SMIM36: variants seen among roughly 807,000 people sequenced by gnomAD.
SMIM36 encodes small integral membrane protein 36.
the SMIM36 span, among the ~76,000 whole-genome samples, chr17:55,524,549 C>T: frequency 7.7e-4 from 117 of 152,194 alleles, no homozygotes; most frequent in African/African-American, 2.6e-3. Context: ...AGTGTATAGG[C>T]GTTTTCTTTT....
chr17:55,531,296 T>G, the SMIM36 span, among the ~76,000 whole-genome samples: 3 of 152,202 alleles, frequency 2.0e-5, no homozygotes, highest in Non-Finnish European at 2.9e-5. Context: ...CCTTTTGGCT[T>G]GGTGAACCCT....
intron 4 of SMIM36, among the ~76,000 whole-genome samples, chr17:55,456,628 T>G (rs2058458824): frequency 6.6e-6 from 1 of 152,216 alleles, no homozygotes; most frequent in South Asian, 2.1e-4. Context: ...ACAATGTGAT[T>G]GTTAAACAGT....
At chr17:55,462,211 TA>T (rs76371371) in intron 4 of SMIM36, among the ~76,000 whole-genome samples, 12,098 of 152,220 alleles carry the variant, frequency 0.079, 525 homozygotes, top group South Asian at 0.14. Context: ...AGTATTAAGT[TA>T]ATTAATACTT....
At chr17:55,518,336 C>T in the SMIM36 span, among the ~76,000 whole-genome samples, 2 of 152,196 alleles carry the variant, frequency 1.3e-5, no homozygotes, top group Admixed American at 1.3e-4. Context: ...GGCCAAATTG[C>T]CTCTTAAAGT....
intron 4 of SMIM36, among the ~76,000 whole-genome samples, chr17:55,456,189 C>T (rs1909020175): frequency 7.1e-6 from 1 of 141,712 alleles, no homozygotes; most frequent in African/African-American, 2.6e-5. Context: ...CTCATCAGGT[C>T]TTTTCTTGTT....
At chr17:55,461,904 C>T (rs898951599) in intron 4 of SMIM36, among the ~76,000 whole-genome samples, 1 of 152,292 alleles carries the variant, frequency 6.6e-6, no homozygotes, top group African/African-American at 2.4e-5. Flanking sequence ...GCAGAGAATT[C>T]TTACGGAAGA....
chr17:55,521,816 A>G, the SMIM36 span, among the ~76,000 whole-genome samples: 1 of 150,320 alleles, frequency 6.7e-6, no homozygotes, highest in Non-Finnish European at 1.5e-5. Flanking sequence ...TTTAAAATAT[A>G]TTGGGAATGC....
intron 3 of SMIM36, among the ~76,000 whole-genome samples, chr17:55,474,414 C>A (rs1424602329): frequency 1.3e-5 from 2 of 152,164 alleles, no homozygotes; most frequent in Non-Finnish European, 2.9e-5. Context: ...CTCAGAGCAG[C>A]ACGTGGCAGG....
chr17:55,471,179 C>A (rs1366096880), intron 3 of SMIM36, among the ~76,000 whole-genome samples: 1 of 152,198 alleles, frequency 6.6e-6, no homozygotes. Context: ...CCAATCCCAA[C>A]AACTCACCTG....
At chr17:55,501,917 G>T (rs940752873) in intron 1 of SMIM36, among the ~76,000 whole-genome samples, 939 of 118,942 alleles carry the variant, frequency 7.9e-3, no homozygotes, top group African/African-American at 0.016. Context: ...CCTGGGAAGC[G>T]CAAGGGGTCA....
the SMIM36 span, among the ~76,000 whole-genome samples, chr17:55,516,516 A>T: frequency 1.3e-5 from 2 of 151,610 alleles, no homozygotes; most frequent in East Asian, 3.9e-4. Context: ...ACAGGCCAAA[A>T]TGTAGGAAAG....
chr17:55,508,621 A>G (rs1455869116), intron 1 of SMIM36, among the ~76,000 whole-genome samples: 1 of 151,572 alleles, frequency 6.6e-6, no homozygotes, highest in African/African-American at 2.4e-5. Flanking sequence ...TTATATTTTC[A>G]TTATAAAAGT....
intron 1 of SMIM36, among the ~76,000 whole-genome samples, chr17:55,492,271 T>C (rs1229968865): frequency 6.5e-5 from 8 of 122,362 alleles, no homozygotes; most frequent in African/African-American, 1.8e-4. Context: ...TGAGACAGAG[T>C]CTTATTCTGT....
intron 4 of SMIM36, among the ~76,000 whole-genome samples, chr17:55,452,379 A>C (rs1598444983): frequency 6.6e-6 from 1 of 152,210 alleles, no homozygotes; most frequent in Non-Finnish European, 1.5e-5. Flanking sequence ...TCGTGTATAT[A>C]AACAGCAGAG....
intron 4 of SMIM36, among the ~76,000 whole-genome samples, chr17:55,454,639 G>A (rs1204262762): frequency 1.3e-5 from 2 of 152,040 alleles, no homozygotes; most frequent in East Asian, 1.9e-4. Context: ...GATAGTATAC[G>A]TACTGCTGTG....
At chr17:55,505,819 A>G (rs1598458974) in intron 1 of SMIM36, among the ~76,000 whole-genome samples, 2 of 120,238 alleles carry the variant, frequency 1.7e-5, no homozygotes, top group South Asian at 2.9e-4. Flanking sequence ...TTGTATATCT[A>G]GAAAACCCCA....
At chr17:55,461,819 G>A (rs1259141243) in intron 4 of SMIM36, among the ~76,000 whole-genome samples, 2 of 152,138 alleles carry the variant, frequency 1.3e-5, no homozygotes, top group African/African-American at 4.8e-5. Context: ...TGGTGGTATT[G>A]AATGAGTTAA....
the SMIM36 span, among the ~76,000 whole-genome samples, chr17:55,528,359 A>G: frequency 1.3e-5 from 2 of 151,804 alleles, no homozygotes; most frequent in African/African-American, 4.8e-5. Flanking sequence ...TTCATATAAT[A>G]TATATTTTTA....
At chr17:55,463,695 CG>C (rs1909185106) in intron 4 of SMIM36, among the ~76,000 whole-genome samples, 2 of 152,074 alleles carry the variant, frequency 1.3e-5, no homozygotes, top group Non-Finnish European at 2.9e-5. Context: ...TTAGTAAGTC[CG>C]TGGGTTGGTA....
Sources: allele counts gnomAD v4.1 joint callset (sites outside exome capture counted in the v4.1 genomes callset), GRCh38; gene constraint gnomAD v4.1.1; transcripts MANE v1.5; gene names NCBI Gene and HGNC (gene_info 2026-07-23, HGNC 2026-07-21).